The following PAX1 variants were observed in gnomAD, a reference collection of about 807,000 sequenced individuals.
PAX1 encodes paired box 1, also known as paired box protein Pax-1.
In PAX1, 18 loss-of-function variants were observed where a neutral mutation model predicts 35.6. The ratio of observed to expected loss-of-function variants is 0.50; its 90% CI spans 0.35 to 0.75. The LOEUF (loss-of-function observed/expected upper bound fraction) is 0.75, where lower values mean the gene tolerates loss of function less well. Among genes scored for constraint, PAX1 ranks in the 30% least tolerant of loss-of-function variants. PAX1 has a pLI of 0.01. For synonymous variants in PAX1, 397 were observed against 305.2 expected (o/e 1.30, Z -3.14); for missense variants, 760 against 661.5 (o/e 1.15, Z -1.63).
chr20:21,710,587 T>G (rs1015316653), intron 4 of PAX1, among the ~76,000 whole-genome samples: 9 of 145,718 alleles, frequency 6.2e-5, no homozygotes, highest in Non-Finnish European at 1.3e-4. Flanking sequence ...CAGGTGGCAG[T>G]GGGCAGGCAG....
chr20:21,714,810 G>T lies in PAX1; in HGVS notation c.*248G>T. 1.3e-6 allele frequency: 2 copies of T among 1,596,740 alleles called. No individual in the cohort carries two copies. Among genetic ancestry groups the T allele is most frequent in the Non-Finnish European group, 1.7e-6 (2 of 1,177,054 alleles). On this transcript the variant is annotated 3_prime_UTR_variant, in exon 5 of 5. Coordinates refer to ENST00000613128, the MANE Select transcript of PAX1 (RefSeq NM_001257096.2). ...CTCTGAACTTGGGTTTTAGACTGCC[G>T]TACCCTCCTCACAATCCTTGCTCTG...
In PAX1 at chr20:21,714,667, T is replaced by C. The variant is rs908896407; in HGVS notation, c.*105T>C. ...ATCGGCACGGGCAGGATCGGAGGACTCGCGGAGGAGGAAGCCAGTGCCGGC... is the reference window on the plus strand; with the variant it reads ...ATCGGCACGGGCAGGATCGGAGGACCCGCGGAGGAGGAAGCCAGTGCCGGC... On this transcript the variant is annotated 3_prime_UTR_variant, in exon 5 of 5. Transcript: ENST00000613128. 5 of 1,603,372 alleles carry C rather than the reference T, an allele frequency of 3.1e-6. No individual in the cohort carries two copies. Among genetic ancestry groups the C allele is most frequent in the Non-Finnish European group, 4.2e-6 (5 of 1,177,810 alleles).
rs1985013312 is a variant in PAX1 at position 21,706,680 on chromosome 20, GT to G, written c.530del (p.Val177GlyfsTer38). The G allele has an allele frequency of 6.2e-7, 1 of 1,612,954 alleles. No individual in the cohort carries two copies. The highest frequency in any genetic ancestry group is 1.3e-5 in the African/African-American group (1 of 74,952). On this transcript the variant is annotated frameshift_variant, in exon 2 of 5. Transcript: ENST00000613128. LOFTEE classifies it high-confidence loss of function. The surrounding 1 kb of genome is among the most constrained non-coding windows in gnomAD (Gnocchi z 5.3). ...CAAGCCCCGCGTCACCACTCCCAACGTGGTCAAGCACATCCGGGACTACAAG... is the reference window on the plus strand; with the variant it reads ...CAAGCCCCGCGTCACCACTCCCAACGGGTCAAGCACATCCGGGACTACAAG... ...GSKPRVTTPN[V>X]VKHIRDYKQG...
chr20:21,708,465 G>C (rs1232163644), intron 2 of PAX1, 93 bp from the exon 3 acceptor site: 15 of 1,469,518 alleles, frequency 1.0e-5, no homozygotes, highest in Middle Eastern at 2.4e-4. Context: ...GGGACCCCTG[G>C]CCGTGTCTTC....
chr20:21,712,803 C>G (rs530196679), intron 4 of PAX1, among the ~76,000 whole-genome samples: 2 of 152,214 alleles, frequency 1.3e-5, no homozygotes, highest in East Asian at 3.8e-4. Context: ...CTGGCAACCC[C>G]GGCCTCCGTT....
At position 21,714,642 on chromosome 20, in the gene PAX1, A is replaced by T. The variant is rs111780545; in HGVS notation, c.*80A>T. The T allele has an allele frequency of 1.5e-5, 23 of 1,585,952 alleles. No homozygotes were observed. The highest frequency in any genetic ancestry group is 1.2e-4 in the African/African-American group (9 of 74,612). Reference sequence around the variant, plus strand: ...ACAGGTCTGCGCGGCGGCCCCGGCAATCGGCACGGGCAGGATCGGAGGACT... The same window carrying T: ...ACAGGTCTGCGCGGCGGCCCCGGCATTCGGCACGGGCAGGATCGGAGGACT... On this transcript the variant is annotated 3_prime_UTR_variant, in exon 5 of 5. Transcript: ENST00000613128.
rs1568698723 is a variant in PAX1, at chr20:21,714,816, T to C, written c.*254T>C. ...ACTTGGGTTTTAGACTGCCGTACCC[T>C]CCTCACAATCCTTGCTCTGACGTGG... is the stretch of plus-strand genomic sequence containing the variant. On this transcript the variant is annotated 3_prime_UTR_variant, in exon 5 of 5. Transcript: ENST00000613128. 1 of 1,593,470 alleles carries C rather than the reference T, an allele frequency of 6.3e-7. No homozygotes were observed. Among genetic ancestry groups the C allele is most frequent in the Admixed American group, 1.7e-5 (1 of 60,010 alleles).
At position 21,714,696 on chromosome 20, in the gene PAX1, C is replaced by T; in HGVS notation, c.*134C>T. 3 of 1,605,962 alleles carry T rather than the reference C, an allele frequency of 1.9e-6. No individual in the cohort carries two copies. The highest frequency in any genetic ancestry group is 2.5e-6 in the Non-Finnish European group (3 of 1,179,412). ...GGAGGAGGAAGCCAGTGCCGGCCCG[C>T]GGGGTGCACGCCCAGCCAGCCCCCA... On this transcript the variant is annotated 3_prime_UTR_variant, in exon 5 of 5. Transcript: ENST00000613128.
rs568728773 is a variant in PAX1, at chr20:21,716,693, C to T, written c.*2131C>T. The T allele has an allele frequency of 1.6e-4, 24 of 152,046 alleles. No homozygotes were observed. Among genetic ancestry groups the T allele is most frequent in the Non-Finnish European group, 2.9e-4 (20 of 68,012 alleles). 9.4% of individuals were successfully genotyped at this position (152,046 alleles called of 1,614,324 possible). On this transcript the variant is annotated 3_prime_UTR_variant, in exon 5 of 5. Transcript: ENST00000613128. ...GGACTTTGAGACTGAAGTCCTCAGC[C>T]TTCCATGGCAGCATATCCTGTAGAA...
chr20:21,714,201 C>T lies in PAX1; in HGVS notation c.1283-270C>T, dbSNP rs569040769. The stretch of plus-strand genomic sequence containing the variant: ...GGTTGGACGGCAACGGGAATTGCAC[C>T]TGGCCAGCGGTCAGTGTTTGCAAAT... On this transcript the variant is annotated intron_variant, in intron 4 of 4. Transcript: ENST00000613128. Among the ~76,000 whole-genome samples, 76 of 152,328 alleles carry T rather than the reference C, an allele frequency of 5.0e-4. 1 individual carries two copies. The highest frequency in any genetic ancestry group is 8.5e-4 in the Non-Finnish European group (58 of 68,026).
rs530843887 is a variant in PAX1 at position 21,718,263 on chromosome 20, GA to G, written c.*3702del. 1.1e-3 allele frequency: 173 copies of G among 152,310 alleles called. No homozygotes were observed. Among genetic ancestry groups the G allele is most frequent in the African/African-American group, 4.0e-3 (168 of 41,572 alleles). 9.4% of individuals were successfully genotyped at this position (152,310 alleles called of 1,614,324 possible). A position where few individuals can be genotyped will look rare whatever the true frequency, so the allele number is the denominator to read the frequency against. On this transcript the variant is annotated 3_prime_UTR_variant, in exon 5 of 5. Transcript: ENST00000613128. ...GTAAGGAAAACAAACCAAAGGAAAG[GA>G]GGATTGAGGGGCAAGAGGCATGAAG...
chr20:21,714,389 C>T (rs1985294123), intron 4 of PAX1, 82 bp from the exon 5 acceptor site: 1 of 1,029,706 alleles, frequency 9.7e-7, no homozygotes, highest in Non-Finnish European at 1.4e-6. Context: ...CGACCTCGCT[C>T]TGCAGGCGTC....
At position 21,717,578 on chromosome 20, in the gene PAX1, T is replaced by C. The variant is rs535136229; in HGVS notation, c.*3016T>C. The stretch of plus-strand genomic sequence containing the variant: ...CTTTTGCTCTTTGTTCGTATGGATC[T>C]GTGGAGGAACTGAGAGCTCATAATA... On this transcript the variant is annotated 3_prime_UTR_variant, in exon 5 of 5. Transcript: ENST00000613128. 1.3e-5 allele frequency: 2 copies of C among 152,338 alleles called. No individual in the cohort carries two copies. The highest frequency in any genetic ancestry group is 4.1e-4 in the South Asian group (2 of 4,824). 9.4% of individuals were successfully genotyped at this position (152,338 alleles called of 1,614,324 possible). A position where few individuals can be genotyped will look rare whatever the true frequency, so the allele number is the denominator to read the frequency against.
rs1344530066 is a variant in PAX1, at chr20:21,709,381, G to A, written c.1219G>A (p.Gly407Ser). The change falls in exon 4 of 5, where the codon GGC (glycine) becomes AGC (serine). Residue 407 changes from glycine (G) to serine (S), a missense_variant. Physicochemically the swap from Gly to Ser is moderately conservative, Grantham distance 56. Transcript: ENST00000613128. ...TCCTCCTCTGGCGCCCCCCGGGGCC[G>A]GCGTAGCTGTGCATGGCGGGGAACT... ...QGPPLAPPGA[G>S]VAVHGGELAA... The A allele has an allele frequency of 1.3e-6, 2 of 1,563,266 alleles. No homozygotes were observed. Among genetic ancestry groups the A allele is most frequent in the Non-Finnish European group, 1.7e-6 (2 of 1,158,496 alleles).
Position 21,711,807 on chromosome 20 carries a change from C to G in PAX1, c.1282+2363C>G, listed in dbSNP as rs553040165. 2.0e-5 allele frequency among the ~76,000 whole-genome samples: 3 copies of G among 152,310 alleles called. No individual in the cohort carries two copies. The South Asian group carries it at 6.2e-4, about 32-fold the overall frequency. ...TTTTTACTCCTTACTGGTAGAACAG[C>G]TGACTTCAAAGATCTATTCCCTCAA... On this transcript the variant is annotated intron_variant, in intron 4 of 4. Coordinates refer to ENST00000613128, the MANE Select transcript of PAX1 (RefSeq NM_001257096.2).
intron 4 of PAX1, among the ~76,000 whole-genome samples, chr20:21,710,187 T>A (rs1350927552): frequency 6.6e-6 from 1 of 152,102 alleles, no homozygotes; most frequent in African/African-American, 2.4e-5. Flanking sequence ...TAAGTCCACT[T>A]CCTGAAAAGT....
rs183464369 is a variant in PAX1, at chr20:21,714,576, C to T, written c.*14C>T. On this transcript the variant is annotated 3_prime_UTR_variant, in exon 5 of 5. Coordinates refer to ENST00000613128, the MANE Select transcript of PAX1 (RefSeq NM_001257096.2). ...TCGACCTCCTAGGGGCAGCTCTCCC[C>T]GGACCCGAGCCCGGAGGGAACGGCA... The T allele has an allele frequency of 3.2e-6, 5 of 1,580,552 alleles. No homozygotes were observed. The highest frequency in any genetic ancestry group is 4.3e-6 in the Non-Finnish European group (5 of 1,164,408).
At chr20:21,713,955 C>A (rs1341460392) in intron 4 of PAX1, among the ~76,000 whole-genome samples, 1 of 152,244 alleles carries the variant, frequency 6.6e-6, no homozygotes, top group Non-Finnish European at 1.5e-5. Context: ...GCTCATTTCC[C>A]GCAAGATTTC....
At chr20:21,709,743 G>T (rs1174905303) in intron 4 of PAX1, among the ~76,000 whole-genome samples, 1 of 152,064 alleles carries the variant, frequency 6.6e-6, no homozygotes, top group Admixed American at 6.5e-5. Flanking sequence ...GTTTGGATCC[G>T]GTTCTGGCAC....
Sources: allele counts gnomAD v4.1 joint callset (sites outside exome capture counted in the v4.1 genomes callset), GRCh38; gene constraint gnomAD v4.1.1; non-coding constraint Gnocchi (gnomAD v3.1); transcripts MANE v1.5; gene names NCBI Gene and HGNC (gene_info 2026-07-23, HGNC 2026-07-21).